LAMA5: variants seen among roughly 807,000 people sequenced by gnomAD.
LAMA5 encodes the protein laminin subunit alpha-5.
A neutral mutation model predicts 433.4 loss-of-function variants in LAMA5; 260 were observed. The observed-to-expected ratio is 0.60, with a 90% CI of 0.54 to 0.66. The LOEUF is 0.66. LAMA5 is among the 30% of genes least tolerant of loss of function. The pLI is 0.00. For missense variants in LAMA5, 5,378 were observed against 5,258.5 expected (o/e 1.02, Z -0.70); for synonymous variants, 2,620 against 2,226.6 (o/e 1.18, Z -4.97).
Position 62,367,209 on chromosome 20 carries a change from C to A in LAMA5, c.37G>T (p.Val13Phe). 6 of 1,218,226 alleles carry A rather than the reference C, an allele frequency of 4.9e-6. No individual in the cohort carries two copies. Among genetic ancestry groups the A allele is most frequent in the Non-Finnish European group, 5.1e-6 (5 of 980,038 alleles). The allele number at this position is 1,218,226 out of a possible 1,614,324, so 75.5% of individuals were successfully genotyped here. ...GGCGCGGGGCCCCGGGGGCCGCGAA[C>A]ACACAGTGCGCTCCCCGCGCAGAGC... ...KRLCAGSALCVRGPRGPAPLL... is the reference protein window; with the variant it reads ...KRLCAGSALCFRGPRGPAPLL... The change falls in exon 1 of 80, where the codon GTT becomes TTT. Residue 13 changes from valine to phenylalanine, a missense_variant. Val to Phe is a conservative substitution (Grantham distance 50). Transcript: ENST00000252999.
intron 61 of LAMA5, 30 bp from the exon 62 acceptor site, chr20:62,314,470 T>TGGGGACC (rs761149949): frequency 1.0e-4 from 169 of 1,612,404 alleles, no homozygotes; most frequent in Middle Eastern, 3.3e-4. Context: ...ACAGTCGGGA[T>TGGGGACC]GGGGACCGGG....
At chr20:62,365,655 CCT>C (rs1271879697) in intron 1 of LAMA5, among the ~76,000 whole-genome samples, 3 of 152,176 alleles carry the variant, frequency 2.0e-5, no homozygotes, top group African/African-American at 4.8e-5. Flanking sequence ...AGACCCGGCC[CCT>C]CTGAGTTGAC....
intron 11 of LAMA5, among the ~76,000 whole-genome samples, chr20:62,338,914 G>A (rs1330096129): frequency 1.3e-5 from 2 of 151,866 alleles, no homozygotes; most frequent in African/African-American, 4.8e-5. Flanking sequence ...GTGCACCCCT[G>A]TAATCCCAGC....
Position 62,318,584 on chromosome 20 carries a change from G to C in LAMA5, c.7109C>G (p.Thr2370Ser), listed in dbSNP as rs763036791. 1.2e-6 allele frequency: 2 copies of C among 1,610,810 alleles called. No individual in the cohort carries two copies. Among genetic ancestry groups the C allele is most frequent in the Non-Finnish European group, 1.7e-6 (2 of 1,179,054 alleles). ...WEENQALATQ[T>S]RDRLAQHEAG... ...CTCGTGCTGGGCCAGCCGGTCGCGGGTTTGTGTGGCCAGTGCCTGGTTCTC... is the reference window on the plus strand; with the variant it reads ...CTCGTGCTGGGCCAGCCGGTCGCGGCTTTGTGTGGCCAGTGCCTGGTTCTC... Residue 2370 changes from threonine to serine, a missense_variant, in exon 53 of 80, where the codon ACC (threonine) becomes AGC (serine). By Grantham distance (58) the Thr-to-Ser change is moderately conservative. Transcript: ENST00000252999.
intron 18 of LAMA5, among the ~76,000 whole-genome samples, chr20:62,335,669 GC>G (rs1981458036): frequency 1.2e-5 from 1 of 83,804 alleles, no homozygotes; most frequent in Non-Finnish European, 2.3e-5. Context: ...CACGGGTGCA[GC>G]CCCTCCGAGG....
chr20:62,332,119 T>G (rs1980577751), intron 28 of LAMA5, among the ~76,000 whole-genome samples: 1 of 151,884 alleles, frequency 6.6e-6, no homozygotes, highest in Non-Finnish European at 1.5e-5. Context: ...AGGAGGTGGC[T>G]GCCCTGGGGC....
chr20:62,327,374 G>A lies in LAMA5; in HGVS notation c.4971C>T (p.Ser1657=). ...CGTGGGGCACCACCTGCCGGTCAGT[G>A]CTCAGCAGCACCCATCCCTCCATAT... ...FVDMEGWVLL[S]TDRQVVPHER... Residue 1657 remains serine (S), a synonymous_variant, in exon 38 of 80, where the codon AGC becomes AGT. Transcript: ENST00000252999. The A allele has an allele frequency of 6.3e-7, 1 of 1,595,926 alleles. No individual in the cohort carries two copies.
In LAMA5 at chr20:62,365,027, C is replaced by T. The variant is rs569692689; in HGVS notation, c.297+1922G>A. Among the ~76,000 whole-genome samples the T allele has an allele frequency of 4.9e-4, 74 of 152,366 alleles. No homozygotes were observed. The South Asian group carries it at 0.015, about 31-fold the overall frequency. On this transcript the variant is annotated intron_variant, in intron 1 of 79. Coordinates refer to ENST00000252999, the MANE Select transcript of LAMA5 (RefSeq NM_005560.6). ...CCGCGGCCAGGGCGGTCAGCAGACC[C>T]GCGGCTCTCAGATGAAGGAGGCATC...
intron 31 of LAMA5, 63 bp from the exon 32 acceptor site, chr20:62,329,979 G>A (rs62204520): frequency 3.9e-5 from 61 of 1,571,334 alleles, no homozygotes; most frequent in Non-Finnish European, 5.0e-5. Context: ...CACCCAGAGG[G>A]TTGAAGATGG....
chr20:62,313,245 T>G lies in LAMA5; in HGVS notation c.8798A>C (p.Lys2933Thr), dbSNP rs1485011941. 1 of 1,424,762 alleles carries G rather than the reference T, an allele frequency of 7.0e-7. No individual in the cohort carries two copies. The highest frequency in any genetic ancestry group is 1.5e-5 in the African/African-American group (1 of 65,770). 88.3% of individuals were successfully genotyped at this position (1,424,762 alleles called of 1,614,324 possible). ...CGTGAGCCACGGGTCCCCGGTCGAC[T>G]TGGAGCTGCAGGTCGGAGATTCTGG... is the stretch of plus-strand genomic sequence containing the variant. ...TAVDRPCARS[K>T]STGDPWLTDG... Residue 2933 changes from lysine to threonine, a missense_variant, in exon 65 of 80, where the codon AAG becomes ACG. By Grantham distance (78) the Lys-to-Thr change is moderately conservative. Coordinates refer to ENST00000252999, the MANE Select transcript of LAMA5 (RefSeq NM_005560.6).
Position 62,312,993 on chromosome 20 carries a change from C to G in LAMA5, c.8973G>C (p.Leu2991Phe). ...GCACGAGGCTGCCTTCTTGCACGGCCAAGCACAGGAACTGGCTCTGCAGAA... is the reference window on the plus strand; with the variant it reads ...GCACGAGGCTGCCTTCTTGCACGGCGAAGCACAGGAACTGGCTCTGCAGAA... Reference protein sequence around the residue: ...FLKQQSQFLCLAVQEGSLVLL... With the variant: ...FLKQQSQFLCFAVQEGSLVLL... Residue 2991 changes from leucine to phenylalanine, a missense_variant, in exon 66 of 80, where the codon TTG (leucine) becomes TTC (phenylalanine). Coordinates refer to ENST00000252999, the MANE Select transcript of LAMA5 (RefSeq NM_005560.6). 2 of 1,582,024 alleles carry G rather than the reference C, an allele frequency of 1.3e-6. No homozygotes were observed. Among genetic ancestry groups the G allele is most frequent in the South Asian group, 2.3e-5 (2 of 86,354 alleles).
chr20:62,335,968 G>A (rs1351058685), intron 18 of LAMA5, among the ~76,000 whole-genome samples: 4 of 137,308 alleles, frequency 2.9e-5, no homozygotes, highest in Non-Finnish European at 4.6e-5. Flanking sequence ...CATCCCCTGA[G>A]GAACCCCACA....
intron 26 of LAMA5, 149 bp downstream of exon 26, chr20:62,332,941 G>A (rs1980763281): frequency 9.6e-7 from 1 of 1,041,430 alleles, no homozygotes; most frequent in African/African-American, 1.6e-5. Context: ...GAGGCAGGAG[G>A]CAGGAGGCAG....
intron 21 of LAMA5, 53 bp downstream of exon 21, chr20:62,334,469 A>C: frequency 6.6e-7 from 1 of 1,520,706 alleles, no homozygotes; most frequent in Non-Finnish European, 8.9e-7. Flanking sequence ...AGAGGCCCGG[A>C]GGACAAGCTG....
chr20:62,354,277 C>T (rs889806974), intron 2 of LAMA5, among the ~76,000 whole-genome samples: 30 of 151,876 alleles, frequency 2.0e-4, no homozygotes, highest in South Asian at 6.2e-4. Context: ...CCCTTCTCTC[C>T]GCACAGGCCA....
Position 62,322,682 on chromosome 20 carries a change from A to G in LAMA5, c.6141T>C (p.Thr2047=). 1.4e-6 allele frequency: 2 copies of G among 1,387,322 alleles called. No homozygotes were observed. Among genetic ancestry groups the G allele is most frequent in the Non-Finnish European group, 1.9e-6 (2 of 1,052,648 alleles). 85.9% of individuals were successfully genotyped at this position (1,387,322 alleles called of 1,614,324 possible). ...CCTGGCAGCGGTCACAGCGCCGCCC[A>G]GTCACGCCCGCCTTGCACAGGCAGT... The part of the protein sequence containing the change: ...SGHCLCKAGV[T]GRRCDRCQEG... The change falls in exon 46 of 80, where the codon ACT becomes ACC. Residue 2047 remains threonine (T), a synonymous_variant. Transcript: ENST00000252999.
chr20:62,335,331 C>A, intron 18 of LAMA5, 62 bp from the exon 19 acceptor site: 1 of 1,562,984 alleles, frequency 6.4e-7, no homozygotes, highest in South Asian at 1.1e-5. Flanking sequence ...CTCCAGCCCC[C>A]CGAGGAACCC....
Position 62,313,020 on chromosome 20 carries a change from C to G in LAMA5, c.8956-10G>C. The G allele has an allele frequency of 3.2e-6, 5 of 1,584,832 alleles. No individual in the cohort carries two copies. The highest frequency in any genetic ancestry group is 4.3e-6 in the Non-Finnish European group (5 of 1,163,260). ...AGCACAGGAACTGGCTCTGCAGAAA[C>G]AGGGCAGGGTTAGTGTGGGGCAGGG... On this transcript the variant is annotated splice_polypyrimidine_tract_variant and intron_variant, in intron 65 of 79. Coordinates refer to ENST00000252999, the MANE Select transcript of LAMA5 (RefSeq NM_005560.6).
chr20:62,364,301 C>T (rs768733031), intron 1 of LAMA5, among the ~76,000 whole-genome samples: 1 of 152,202 alleles, frequency 6.6e-6, no homozygotes, highest in South Asian at 2.1e-4. Context: ...CGCCCTCTGG[C>T]TGGGACAGCC....
Sources: gnomAD v4.1 joint callset for allele counts (sites outside exome capture counted in the v4.1 genomes callset) on GRCh38, gnomAD v4.1.1 for gene constraint, MANE v1.5 for transcripts, NCBI Gene and HGNC (gene_info 2026-07-23, HGNC 2026-07-21) for gene names.